SLC5A4: variants seen among roughly 807,000 people sequenced by gnomAD.
SLC5A4 encodes probable glucose sensor protein SLC5A4.
A neutral mutation model predicts 70.3 loss-of-function variants in SLC5A4; 55 were observed. That is an observed-to-expected ratio of 0.78 (90% CI 0.63 to 0.98). The LOEUF (loss-of-function observed/expected upper bound fraction) is 0.98, where lower values mean the gene tolerates loss of function less well. SLC5A4 is among the 50% of genes least tolerant of loss of function. The probability of loss-of-function intolerance (pLI) is 0.00; values close to 1 mark genes in which losing one functional copy is unlikely to be tolerated. For missense variants in SLC5A4, 735 were observed against 839.2 expected (o/e 0.88, Z 1.53); for synonymous variants, 268 against 305.7 (o/e 0.88, Z 1.29).
intron 5 of SLC5A4, 133 bp downstream of exon 5, chr22:32,247,278 G>T: frequency 1.6e-6 from 1 of 638,998 alleles, no homozygotes. Context: ...ACAGTCCTGA[G>T]AATTTAAGAC....
chr22:32,234,953 C>A lies in SLC5A4; in HGVS notation c.805G>T (p.Ala269Ser). ...RADSFHIFRDAVTGDIPWPGI... is the reference protein window; with the variant it reads ...RADSFHIFRDSVTGDIPWPGI... The stretch of plus-strand genomic sequence containing the variant: ...GGCCATGGAATGTCCCCAGTCACAG[C>A]ATCTCGGAAGATGTGGAAGGAGTCC... Residue 269 changes from alanine to serine, a missense_variant, in exon 8 of 15, where the codon GCT becomes TCT. Transcript: ENST00000266086. The A allele has an allele frequency of 1.9e-6, 3 of 1,613,220 alleles. No individual in the cohort carries two copies. Among genetic ancestry groups the A allele is most frequent in the Non-Finnish European group, 2.5e-6 (3 of 1,180,016 alleles).
the SLC5A4 span, chr22:32,271,451 C>T: frequency 5.3e-6 from 4 of 760,104 alleles, no homozygotes; most frequent in Non-Finnish European, 9.6e-6. Flanking sequence ...ACTCTCGGCT[C>T]AGCCAGGGCA....
chr22:32,309,784 AAGC>A, the SLC5A4 span, among the ~76,000 whole-genome samples: 6 of 151,922 alleles, frequency 3.9e-5, no homozygotes, highest in Non-Finnish European at 7.4e-5. Flanking sequence ...GACAGATAAG[AAGC>A]AGAGGCTCTG....
At chr22:32,302,250 GT>G in the SLC5A4 span, among the ~76,000 whole-genome samples, 889 of 107,230 alleles carry the variant, frequency 8.3e-3, 10 homozygotes, top group African/African-American at 0.027. Context: ...ACTTTTGAGT[GT>G]TTTTTTTTTT....
At chr22:32,351,658 C>T in the SLC5A4 span, among the ~76,000 whole-genome samples, 1 of 139,218 alleles carries the variant, frequency 7.2e-6, no homozygotes, top group Non-Finnish European at 1.5e-5. Context: ...GCAGAGATCA[C>T]CACTGCACTC....
chr22:32,349,526 T>G, the SLC5A4 span, among the ~76,000 whole-genome samples: 1 of 152,204 alleles, frequency 6.6e-6, no homozygotes, highest in Non-Finnish European at 1.5e-5. Context: ...TTAAAGCACT[T>G]AGCAAATTTA....
chr22:32,244,288 C>A (rs1212911671), intron 5 of SLC5A4, among the ~76,000 whole-genome samples: 1 of 152,188 alleles, frequency 6.6e-6, no homozygotes, highest in Non-Finnish European at 1.5e-5. Flanking sequence ...GGAGGTGCCA[C>A]GTGTGATATC....
chr22:32,307,919 TTGCAGGGATTC>T, the SLC5A4 span, among the ~76,000 whole-genome samples: 7 of 138,890 alleles, frequency 5.0e-5, no homozygotes, highest in African/African-American at 1.9e-4. Context: ...TCCCTGCAGT[TTGCAGGGATTC>T]TTACATGTTT....
At chr22:32,243,743 T>C (rs376026789) in intron 5 of SLC5A4, among the ~76,000 whole-genome samples, 40 of 152,094 alleles carry the variant, frequency 2.6e-4, no homozygotes, top group African/African-American at 8.5e-4. Context: ...GAGAGACACT[T>C]TGGGAGGCCA....
At chr22:32,308,765 TGTA>T in the SLC5A4 span, among the ~76,000 whole-genome samples, 1 of 83,320 alleles carries the variant, frequency 1.2e-5, no homozygotes, top group Admixed American at 1.4e-4. Flanking sequence ...TGAAATCACA[TGTA>T]TGTGTGTGAG....
the SLC5A4 span, among the ~76,000 whole-genome samples, chr22:32,329,207 G>A: frequency 6.6e-6 from 1 of 152,150 alleles, no homozygotes; most frequent in African/African-American, 2.4e-5. Flanking sequence ...CATTCAGTGT[G>A]CACCTGGCAG....
At chr22:32,333,528 C>CT in the SLC5A4 span, among the ~76,000 whole-genome samples, 1 of 152,068 alleles carries the variant, frequency 6.6e-6, no homozygotes, top group Non-Finnish European at 1.5e-5. Flanking sequence ...TGAATGTGTC[C>CT]TTTACCTCCA....
chr22:32,319,484 G>A, the SLC5A4 span, among the ~76,000 whole-genome samples: 1 of 152,206 alleles, frequency 6.6e-6, no homozygotes, highest in Non-Finnish European at 1.5e-5. Context: ...ACTGACACTG[G>A]AACTCACATC....
Position 32,235,058 on chromosome 22 carries a change from C to T in SLC5A4, c.700G>A (p.Glu234Lys), listed in dbSNP as rs1267866252. 6.8e-6 allele frequency: 11 copies of T among 1,613,628 alleles called. No individual in the cohort carries two copies. The highest frequency in any genetic ancestry group is 1.7e-4 in the Middle Eastern group (1 of 5,986). Residue 234 changes from glutamate (E) to lysine (K), a missense_variant, in exon 8 of 15, where the codon GAG (glutamate) becomes AAG (lysine). Transcript: ENST00000266086. ...GATGGGGTGGCATTCACGTACTTCT[C>T]GGTAAAGCTCTCATAACCTCCAACT... is the stretch of plus-strand genomic sequence containing the variant. ...NEVGGYESFTEKYVNATPSVV... is the reference protein window; with the variant it reads ...NEVGGYESFTKKYVNATPSVV...
chr22:32,236,133 T>C (rs1313204641), intron 7 of SLC5A4, among the ~76,000 whole-genome samples: 4 of 152,128 alleles, frequency 2.6e-5, no homozygotes, highest in Non-Finnish European at 4.4e-5. Flanking sequence ...TCTGGATAAC[T>C]GAATAGAAAG....
At chr22:32,323,931 G>C in the SLC5A4 span, among the ~76,000 whole-genome samples, 7 of 152,138 alleles carry the variant, frequency 4.6e-5, no homozygotes, top group African/African-American at 1.7e-4. Context: ...TTCTGGGGTG[G>C]GGGCAGCCTC....
chr22:32,238,855 C>A (rs1314323612), intron 6 of SLC5A4, 130 bp downstream of exon 6: 4 of 680,954 alleles, frequency 5.9e-6, no homozygotes, highest in Non-Finnish European at 1.1e-5. Flanking sequence ...CTGTGCTTGA[C>A]TCTCATAGTG....
the SLC5A4 span, among the ~76,000 whole-genome samples, chr22:32,296,600 CAG>C: frequency 1.8e-4 from 2 of 10,858 alleles, 1 homozygote; most frequent in African/African-American, 7.9e-4. Context: ...CGTCTGCAAA[CAG>C]GGACAATTTG....
the SLC5A4 span, among the ~76,000 whole-genome samples, chr22:32,289,474 CATCACGCTCCTCT>C: frequency 6.6e-6 from 1 of 152,154 alleles, no homozygotes; most frequent in African/African-American, 2.4e-5. Context: ...GGGCTGCCGC[CATCACGCTCCTCT>C]CCTTTCTGGT....
Sources: gnomAD v4.1 joint callset for allele counts (sites outside exome capture counted in the v4.1 genomes callset) on GRCh38, gnomAD v4.1.1 for gene constraint, MANE v1.5 for transcripts, NCBI Gene and HGNC (gene_info 2026-07-23, HGNC 2026-07-21) for gene names.